DDX46: variants seen among roughly 807,000 people sequenced by gnomAD.
The protein encoded by DDX46 is probable ATP-dependent RNA helicase DDX46.
In DDX46, 30 loss-of-function variants were observed where a neutral mutation model predicts 134.9. That is an observed-to-expected ratio of 0.22 (90% CI 0.17 to 0.30). The LOEUF (loss-of-function observed/expected upper bound fraction) is 0.30. Ranked by LOEUF, DDX46 falls within the 10% of genes least tolerant of loss-of-function variation. The pLI, the probability that DDX46 is intolerant of heterozygous loss-of-function variation, is 1.00. For missense variants in DDX46, 622 were observed against 1,248.7 expected (o/e 0.50, Z 7.56); for synonymous variants, 415 against 404.1 (o/e 1.03, Z -0.32).
intron 15 of DDX46, among the ~76,000 whole-genome samples, chr5:134,802,267 T>C (rs1754853503): frequency 6.7e-6 from 1 of 149,332 alleles, no homozygotes; most frequent in South Asian, 2.1e-4. Context: ...CAGGTTCAAG[T>C]GATTTTTGTG....
At chr5:134,773,898 A>C in intron 5 of DDX46, 37 bp downstream of exon 5, 1 of 1,503,534 alleles carries the variant, frequency 6.7e-7, no homozygotes. Context: ...ATAACACCTC[A>C]TGTAGAATAT....
chr5:134,772,369 A>G (rs899179489), intron 4 of DDX46, among the ~76,000 whole-genome samples: 1 of 152,004 alleles, frequency 6.6e-6, no homozygotes, highest in African/African-American at 2.4e-5. Flanking sequence ...TAAAAATACA[A>G]AAATTAGCTG....
intron 14 of DDX46, 82 bp downstream of exon 14, chr5:134,795,096 G>A: frequency 1.3e-6 from 2 of 1,502,414 alleles, no homozygotes; most frequent in Non-Finnish European, 1.8e-6. Context: ...CTGTTTGTGA[G>A]GTAGGCAAGG....
chr5:134,799,234 A>G (rs1432025146), intron 15 of DDX46, among the ~76,000 whole-genome samples: 3 of 151,606 alleles, frequency 2.0e-5, no homozygotes, highest in African/African-American at 7.3e-5. Context: ...AATTTTTCAC[A>G]CATTTCAAAT....
At chr5:134,764,311 C>G (rs1355420761) in intron 2 of DDX46, among the ~76,000 whole-genome samples, 1 of 151,190 alleles carries the variant, frequency 6.6e-6, no homozygotes, top group Non-Finnish European at 1.5e-5. Flanking sequence ...GAGACAGAGC[C>G]TCACTCTGTT....
In DDX46 at chr5:134,828,984, T is replaced by TA. The variant is rs973793516; in HGVS notation, c.*284dup. 9 of 249,318 alleles carry TA rather than the reference T, an allele frequency of 3.6e-5. No homozygotes were observed. The highest frequency in any genetic ancestry group is 1.8e-4 in the African/African-American group (8 of 45,204). The allele number at this position is 249,318 out of a possible 1,614,324, so 15.4% of individuals were successfully genotyped here. ...ATGTCCGGATAATATTCTAGAGGTT[T>TA]AAAAAATGGAAATATTTGAACTTTC... On this transcript the variant is annotated 3_prime_UTR_variant, in exon 23 of 23. Transcript: ENST00000452510.
At chr5:134,760,191 G>A (rs1232314220) in intron 1 of DDX46, among the ~76,000 whole-genome samples, 3 of 152,118 alleles carry the variant, frequency 2.0e-5, no homozygotes, top group Non-Finnish European at 2.9e-5. Context: ...CTGCTTCCAA[G>A]ATGAAATTTA....
intron 21 of DDX46, among the ~76,000 whole-genome samples, chr5:134,823,540 A>G (rs1755513254): frequency 6.6e-6 from 1 of 152,240 alleles, no homozygotes; most frequent in Non-Finnish European, 1.5e-5. Context: ...TGTGGCCAGA[A>G]CTAGGCAAAC....
intron 15 of DDX46, chr5:134,797,193 A>AAAAAAAAC (rs1754689939): frequency 3.4e-6 from 1 of 291,670 alleles, no homozygotes; most frequent in South Asian, 3.4e-5. Context: ...AAAAAAAAAA[A>AAAAAAAAC]AAAACACAAA....
chr5:134,784,010 A>G (rs957483635), intron 9 of DDX46, among the ~76,000 whole-genome samples: 2 of 152,024 alleles, frequency 1.3e-5, no homozygotes, highest in Admixed American at 6.6e-5. Context: ...TCATTATCCC[A>G]AAAAGAAACT....
In DDX46 at chr5:134,829,713, A is replaced by G. The variant is rs1415042733; in HGVS notation, c.*1007A>G. The G allele has an allele frequency of 6.6e-6, 1 of 152,038 alleles. No individual in the cohort carries two copies. The highest frequency in any genetic ancestry group is 2.4e-5 in the African/African-American group (1 of 41,394). The allele number at this position is 152,038 out of a possible 1,614,324, so 9.4% of individuals were successfully genotyped here. A position where few individuals can be genotyped will look rare whatever the true frequency, so the allele number is the denominator to read the frequency against. ...AGTGACTCACACCTGTATCCCAGCA[A>G]TTTGGGAGGCCGAGGTGGGCAGATC... On this transcript the variant is annotated 3_prime_UTR_variant, in exon 23 of 23. Coordinates refer to ENST00000452510, the MANE Select transcript of DDX46 (RefSeq NM_001300860.2).
intron 12 of DDX46, 86 bp downstream of exon 12, chr5:134,788,677 G>A (rs1052494556): frequency 1.5e-5 from 18 of 1,217,132 alleles, no homozygotes; most frequent in Non-Finnish European, 1.8e-5. Flanking sequence ...ACCAACAAAG[G>A]GTTTCTATAT....
intron 13 of DDX46, among the ~76,000 whole-genome samples, chr5:134,793,438 C>CA (rs1188626193): frequency 6.6e-6 from 1 of 152,038 alleles, no homozygotes; most frequent in African/African-American, 2.4e-5. Flanking sequence ...TATTTTGAGA[C>CA]AGAGTTTCAC....
chr5:134,813,653 C>T (rs915648651), intron 18 of DDX46, among the ~76,000 whole-genome samples: 1 of 151,950 alleles, frequency 6.6e-6, no homozygotes, highest in Non-Finnish European at 1.5e-5. Context: ...GTTTTGGAAA[C>T]AGAGTCTGAC....
Position 134,794,965 on chromosome 5 carries a change from T to C in DDX46, c.1742T>C (p.Val581Ala). Reference sequence around the variant, plus strand: ...AGGATCCTCAGTAAACCTATTGAAGTACAAGTTGGAGGCAGGAGTGTGGTT... The same window carrying C: ...AGGATCCTCAGTAAACCTATTGAAGCACAAGTTGGAGGCAGGAGTGTGGTT... The part of the protein sequence containing the change: ...ARRILSKPIE[V>A]QVGGRSVVCS... Residue 581 changes from valine to alanine, a missense_variant, in exon 14 of 23, where the codon GTA becomes GCA. Around this residue, in one of 8 missense-constraint regions of DDX46, gnomAD observed 209 missense variants for 508.4 expected, o/e 0.41. Transcript: ENST00000452510. 1 of 1,614,192 alleles carries C rather than the reference T, an allele frequency of 6.2e-7. No individual in the cohort carries two copies. Among genetic ancestry groups the C allele is most frequent in the South Asian group, 1.1e-5 (1 of 91,078 alleles).
chr5:134,777,983 C>A, intron 6 of DDX46: 1 of 297,164 alleles, frequency 3.4e-6, no homozygotes, highest in East Asian at 6.8e-5. Flanking sequence ...TTAATAAGTT[C>A]TCTGGAGACT....
At chr5:134,777,102 C>T (rs113630358) in intron 5 of DDX46, among the ~76,000 whole-genome samples, 16 of 151,944 alleles carry the variant, frequency 1.1e-4, no homozygotes, top group African/African-American at 3.1e-4. Flanking sequence ...CCCGGTTACT[C>T]GTCAGGCTGA....
At chr5:134,785,883 C>G (rs979312105) in intron 11 of DDX46, among the ~76,000 whole-genome samples, 1 of 151,442 alleles carries the variant, frequency 6.6e-6, no homozygotes, top group South Asian at 2.1e-4. Context: ...GAGTCTCGCT[C>G]TGTCACACAG....
At chr5:134,821,576 A>G (rs1021843347) in intron 21 of DDX46, among the ~76,000 whole-genome samples, 25 of 141,806 alleles carry the variant, frequency 1.8e-4, no homozygotes, top group Non-Finnish European at 2.7e-4. Context: ...CTCTGTCACC[A>G]GGCTGGAATG....
Sources: gnomAD v4.1 joint callset for allele counts (sites outside exome capture counted in the v4.1 genomes callset) on GRCh38, gnomAD v4.1.1 for gene constraint, gnomAD v4.1.1 regional missense constraint, MANE v1.5 for transcripts, NCBI Gene and HGNC (gene_info 2026-07-23, HGNC 2026-07-21) for gene names.